ZBTB44: variants seen among roughly 807,000 people sequenced by gnomAD.
ZBTB44 encodes zinc finger and BTB domain-containing protein 44.
In ZBTB44, 15 loss-of-function variants were observed where a neutral mutation model predicts 54.0. The observed-to-expected ratio is 0.28, with a 90% CI of 0.19 to 0.43. The LOEUF is 0.43. ZBTB44 is among the 20% of genes least tolerant of loss of function. The pLI is 1.00. For missense variants in ZBTB44, 487 were observed against 707.1 expected (o/e 0.69, Z 3.53); for synonymous variants, 230 against 250.1 (o/e 0.92, Z 0.76).
At chr11:130,251,984 TAA>T (rs1477106311) in intron 2 of ZBTB44, among the ~76,000 whole-genome samples, 3 of 152,078 alleles carry the variant, frequency 2.0e-5, no homozygotes, top group African/African-American at 7.2e-5. Context: ...GCAAACTGGA[TAA>T]AGAGTTGAGA....
chr11:130,259,147 C>A (rs576406793), intron 2 of ZBTB44, among the ~76,000 whole-genome samples: 4 of 152,090 alleles, frequency 2.6e-5, no homozygotes, highest in Admixed American at 6.6e-5. Context: ...GGCCATATTG[C>A]CCAAAGTAAT....
intron 1 of ZBTB44, among the ~76,000 whole-genome samples, chr11:130,276,642 C>T (rs1940126371): frequency 6.6e-6 from 1 of 151,940 alleles, no homozygotes; most frequent in Admixed American, 6.6e-5. Flanking sequence ...ACCATGATGG[C>T]CAGGCTGGTC....
chr11:130,235,521 A>C (rs1591920950), intron 5 of ZBTB44, among the ~76,000 whole-genome samples: 2 of 152,328 alleles, frequency 1.3e-5, no homozygotes, highest in East Asian at 3.9e-4. Context: ...TAAGGTTTTA[A>C]GTCAGGGGTG....
intron 1 of ZBTB44, among the ~76,000 whole-genome samples, chr11:130,307,791 A>G (rs1170606267): frequency 6.6e-6 from 1 of 152,174 alleles, no homozygotes; most frequent in Non-Finnish European, 1.5e-5. Flanking sequence ...ATAGTTACCA[A>G]AACAGCATGG....
rs1422039578 is a variant in ZBTB44 at position 130,227,030 on chromosome 11, T to C, written c.*4734A>G. ...GGCTCAGAACAGATTTGAAAAAACA[T>C]GATATTCACATTGATTACAATAACC... On this transcript the variant is annotated 3_prime_UTR_variant, in exon 8 of 8. Coordinates refer to ENST00000357899, the MANE Select transcript of ZBTB44 (RefSeq NM_001301098.2). 6.6e-6 allele frequency: 1 copy of C among 152,020 alleles called. No individual in the cohort carries two copies. The highest frequency in any genetic ancestry group is 2.4e-5 in the African/African-American group (1 of 41,372). The allele number at this position is 152,020 out of a possible 1,614,324, so 9.4% of individuals were successfully genotyped here. A position where few individuals can be genotyped will look rare whatever the true frequency, so the allele number is the denominator to read the frequency against.
intron 1 of ZBTB44, among the ~76,000 whole-genome samples, chr11:130,262,833 G>A (rs181151160): frequency 7.2e-5 from 11 of 152,302 alleles, no homozygotes; most frequent in South Asian, 2.1e-4. Flanking sequence ...CAAGGCAGGC[G>A]GATTGCTTGA....
chr11:130,250,740 C>A (rs1037070164), intron 2 of ZBTB44, among the ~76,000 whole-genome samples: 1 of 152,160 alleles, frequency 6.6e-6, no homozygotes, highest in African/African-American at 2.4e-5. Context: ...ACATCAACAT[C>A]AACAAAAAGA....
intron 1 of ZBTB44, among the ~76,000 whole-genome samples, chr11:130,269,843 C>T (rs370712234): frequency 6.6e-6 from 1 of 151,966 alleles, no homozygotes; most frequent in Non-Finnish European, 1.5e-5. Flanking sequence ...CCAAGATAGC[C>T]AAGAGGATTA....
chr11:130,232,676 G>A (rs1453080677), intron 7 of ZBTB44: 2 of 152,166 alleles, frequency 1.3e-5, no homozygotes, highest in African/African-American at 2.4e-5. Context: ...TAAGGACAAT[G>A]TATCGCTGTC....
At chr11:130,277,462 T>C (rs1397739994) in intron 1 of ZBTB44, among the ~76,000 whole-genome samples, 3 of 151,634 alleles carry the variant, frequency 2.0e-5, no homozygotes, top group Non-Finnish European at 3.0e-5. Flanking sequence ...TATGTGGTCA[T>C]GATTACTGCT....
intron 1 of ZBTB44, among the ~76,000 whole-genome samples, chr11:130,267,740 G>A (rs1032636054): frequency 2.0e-5 from 3 of 152,048 alleles, no homozygotes; most frequent in Admixed American, 1.3e-4. Context: ...TAAGTAATAT[G>A]CTATCAAACA....
chr11:130,279,308 T>TTAAAA (rs1231604499), intron 1 of ZBTB44, among the ~76,000 whole-genome samples: 3 of 110,146 alleles, frequency 2.7e-5, no homozygotes, highest in African/African-American at 9.9e-5. Flanking sequence ...TACTGTTATT[T>TTAAAA]AAAAAAAAAA....
chr11:130,242,336 G>A (rs1194640086), intron 2 of ZBTB44, among the ~76,000 whole-genome samples: 1 of 152,058 alleles, frequency 6.6e-6, no homozygotes, highest in African/African-American at 2.4e-5. Flanking sequence ...TTTACAAATT[G>A]TCTGATATTT....
intron 2 of ZBTB44, among the ~76,000 whole-genome samples, chr11:130,244,067 A>G (rs150597314): frequency 1.0e-3 from 156 of 152,346 alleles, no homozygotes; most frequent in African/African-American, 3.1e-3. Flanking sequence ...TCTTAAAGGC[A>G]AAACTGATTT....
intron 1 of ZBTB44, among the ~76,000 whole-genome samples, chr11:130,289,133 G>GT (rs1286919297): frequency 1.3e-5 from 2 of 152,078 alleles, no homozygotes; most frequent in Admixed American, 6.6e-5. Flanking sequence ...TGGGTGTAAT[G>GT]TTTGTGTATT....
intron 1 of ZBTB44, among the ~76,000 whole-genome samples, chr11:130,293,226 C>A (rs1941408252): frequency 6.6e-6 from 1 of 151,378 alleles, no homozygotes; most frequent in Non-Finnish European, 1.5e-5. Context: ...CTTTGGGAGG[C>A]CAAGGCAGGA....
rs145975317 is a variant in ZBTB44 at position 130,311,114 on chromosome 11, G to T, written c.-57+3261C>A. Among the ~76,000 whole-genome samples the T allele has an allele frequency of 1.6e-3, 241 of 152,268 alleles. 5 individuals are homozygous for T. The South Asian group carries it at 0.035, about 22-fold the overall frequency. On this transcript the variant is annotated intron_variant, in intron 1 of 7. Coordinates refer to ENST00000357899, the MANE Select transcript of ZBTB44 (RefSeq NM_001301098.2). ...GTCTAAATACGAAAATAAATGCAAA[G>T]AAATCTTAAACTACATGAAGCTTAT...
intron 4 of ZBTB44, 105 bp downstream of exon 4, chr11:130,238,339 G>A (rs1021112012): frequency 7.4e-7 from 1 of 1,345,902 alleles, no homozygotes; most frequent in Non-Finnish European, 9.8e-7. Flanking sequence ...ACTTCCCAGA[G>A]TTTTTTTTAA....
At position 130,230,387 on chromosome 11, in the gene ZBTB44, T is replaced by C. The variant is rs1953831044; in HGVS notation, c.*1377A>G. The C allele has an allele frequency of 6.7e-6, 1 of 148,242 alleles. No individual in the cohort carries two copies. The highest frequency in any genetic ancestry group is 2.4e-5 in the African/African-American group (1 of 40,898). 9.2% of individuals were successfully genotyped at this position (148,242 alleles called of 1,614,324 possible). A position where few individuals can be genotyped will look rare whatever the true frequency, so the allele number is the denominator to read the frequency against. On this transcript the variant is annotated 3_prime_UTR_variant, in exon 8 of 8. Coordinates refer to ENST00000357899, the MANE Select transcript of ZBTB44 (RefSeq NM_001301098.2). ...GATGTATTGACTAGTCTATTTCATT[T>C]GGCAAAGTATTTTAACAAGATGAAA...
Sources: gnomAD v4.1 joint callset for allele counts (sites outside exome capture counted in the v4.1 genomes callset) on GRCh38, gnomAD v4.1.1 for gene constraint, MANE v1.5 for transcripts, NCBI Gene and HGNC (gene_info 2026-07-23, HGNC 2026-07-21) for gene names.